ZNF430: variants seen among roughly 807,000 people sequenced by gnomAD.
ZNF430 encodes the protein zinc finger protein 430.
In ZNF430, 35 loss-of-function variants were observed where a neutral mutation model predicts 56.7. The ratio of observed to expected loss-of-function variants is 0.62; its 90% CI spans 0.47 to 0.82. ZNF430 has a LOEUF of 0.82. Among genes scored for constraint, ZNF430 ranks in the 40% least tolerant of loss-of-function variants. The probability of loss-of-function intolerance (pLI) is 0.00; values close to 1 mark genes in which losing one functional copy is unlikely to be tolerated. For synonymous variants in ZNF430, 212 were observed against 224.3 expected (o/e 0.94, Z 0.49); for missense variants, 574 against 661.0 (o/e 0.87, Z 1.44).
intron 4 of ZNF430, among the ~76,000 whole-genome samples, chr19:21,044,761 T>C (rs777313412): frequency 6.6e-6 from 1 of 152,198 alleles, no homozygotes; most frequent in African/African-American, 2.4e-5. Context: ...ATTCCAGAAC[T>C]TCTTATTGGT....
At chr19:21,020,888 C>T (rs539703233) in intron 1 of ZNF430, 85 bp downstream of exon 1, 3 of 1,578,562 alleles carry the variant, frequency 1.9e-6, no homozygotes, top group Non-Finnish European at 2.6e-6. Flanking sequence ...ACTCAGGCCT[C>T]CCGGCAGTCA....
intron 4 of ZNF430, chr19:21,035,241 T>C (rs927283923): frequency 1.3e-5 from 2 of 152,218 alleles, no homozygotes; most frequent in African/African-American, 2.4e-5. Flanking sequence ...TTTCTTTTAT[T>C]AATAACATAT....
intron 1 of ZNF430, among the ~76,000 whole-genome samples, chr19:21,021,200 C>T (rs1967675193): frequency 6.6e-6 from 1 of 152,018 alleles, no homozygotes; most frequent in Non-Finnish European, 1.5e-5. Context: ...CCTCTTTTCT[C>T]CTATTAAAAA....
At position 21,057,129 on chromosome 19, in the gene ZNF430, C is replaced by T; in HGVS notation, c.821C>T (p.Ser274Leu). ...TGTGGCAAAGCTTTTAAGCAGTCCTCAACCCTTACTACACATAAGATAATT... is the reference window on the plus strand; with the variant it reads ...TGTGGCAAAGCTTTTAAGCAGTCCTTAACCCTTACTACACATAAGATAATT... ...EQCGKAFKQS[S>L]TLTTHKIIHT... Residue 274 changes from serine to leucine, a missense_variant, in exon 5 of 5, where the codon TCA becomes TTA. By Grantham distance (145) the Ser-to-Leu change is moderately radical. Transcript: ENST00000261560. The T allele has an allele frequency of 6.2e-7, 1 of 1,614,080 alleles. No individual in the cohort carries two copies.
At chr19:21,036,763 A>G (rs1249449780) in intron 4 of ZNF430, 3 of 149,694 alleles carry the variant, frequency 2.0e-5, no homozygotes, top group South Asian at 2.2e-4. Flanking sequence ...TAATTGTACC[A>G]CTGCACTCCA....
At chr19:21,022,918 C>A in intron 2 of ZNF430, 37 bp downstream of exon 2, 1 of 1,443,112 alleles carries the variant, frequency 6.9e-7, no homozygotes, top group Non-Finnish European at 9.8e-7. Flanking sequence ...CTTCACCCAA[C>A]CCAGCTTTCA....
At chr19:21,042,435 A>G (rs1307867406) in intron 4 of ZNF430, among the ~76,000 whole-genome samples, 1 of 152,108 alleles carries the variant, frequency 6.6e-6, no homozygotes, top group Non-Finnish European at 1.5e-5. Context: ...CGACAGTGTA[A>G]AAGTATTTCT....
intron 3 of ZNF430, 42 bp from the exon 4 acceptor site, chr19:21,034,044 G>A (rs1237867575): frequency 6.6e-7 from 1 of 1,518,968 alleles, no homozygotes; most frequent in Admixed American, 1.7e-5. Context: ...GTTGGTAACT[G>A]AAGAATATGA....
At position 21,040,810 on chromosome 19, in the gene ZNF430, A is replaced by G. The variant is rs145995763; in HGVS notation, c.322+6626A>G. On this transcript the variant is annotated intron_variant, in intron 4 of 4. Coordinates refer to ENST00000261560, the MANE Select transcript of ZNF430 (RefSeq NM_025189.4). ...CTTTGCCAAAATATGCTTTATATAT[A>G]TTGGAGTCCTGATGTTATATATACA... 3.8e-3 allele frequency among the ~76,000 whole-genome samples: 572 copies of G among 152,200 alleles called. 1 individual carries two copies. The highest frequency in any genetic ancestry group is 4.2e-3 in the Non-Finnish European group (286 of 68,000).
intron 1 of ZNF430, 109 bp from the exon 2 acceptor site, chr19:21,022,680 T>C (rs1967717391): frequency 1.2e-6 from 1 of 841,222 alleles, no homozygotes; most frequent in African/African-American, 1.7e-5. Context: ...TCAGTTTTTT[T>C]CTGGTCCTGG....
At chr19:21,054,669 C>CTTTTTTTTTTTTTTTTTTTTTTT (rs55772412) in intron 4 of ZNF430, among the ~76,000 whole-genome samples, 9 of 65,594 alleles carry the variant, frequency 1.4e-4, no homozygotes, top group African/African-American at 5.1e-4. Context: ...ATTTTTACGT[C>CTTTTTTTTTTTTTTTTTTTTTTT]TTTTTTTTTT....
In ZNF430 at chr19:21,059,668, TAC is replaced by T. The variant is rs1968437151; in HGVS notation, c.*1649_*1650del. On this transcript the variant is annotated 3_prime_UTR_variant, in exon 5 of 5. Coordinates refer to ENST00000261560, the MANE Select transcript of ZNF430 (RefSeq NM_025189.4). Reference sequence around the variant, plus strand: ...AGTATACTTTATTTCTTGAAAAAATTACAGATTTTTTGTAAATAATGATGTAA... The same window carrying T: ...AGTATACTTTATTTCTTGAAAAAATTAGATTTTTTGTAAATAATGATGTAA... 2 of 152,150 alleles carry T rather than the reference TAC, an allele frequency of 1.3e-5. No individual in the cohort carries two copies. The highest frequency in any genetic ancestry group is 6.5e-5 in the Admixed American group (1 of 15,274). 9.4% of individuals were successfully genotyped at this position (152,150 alleles called of 1,614,324 possible).
intron 4 of ZNF430, among the ~76,000 whole-genome samples, chr19:21,045,874 T>A (rs1182593001): frequency 6.6e-6 from 1 of 152,214 alleles, no homozygotes. Flanking sequence ...TCTTCTTTTA[T>A]TTGCTTGGTG....
chr19:21,050,747 G>T (rs1445089525), intron 4 of ZNF430, among the ~76,000 whole-genome samples: 1 of 151,978 alleles, frequency 6.6e-6, no homozygotes, highest in Non-Finnish European at 1.5e-5. Flanking sequence ...TGCTGTTTAG[G>T]CCAGGTGCAG....
At chr19:21,050,798 T>C (rs1968270225) in intron 4 of ZNF430, among the ~76,000 whole-genome samples, 1 of 152,038 alleles carries the variant, frequency 6.6e-6, no homozygotes. Flanking sequence ...GAGGACAAGG[T>C]GGGAGGATTG....
At position 21,020,704 on chromosome 19, in the gene ZNF430, G is replaced by C; in HGVS notation, c.-97G>C. On this transcript the variant is annotated 5_prime_UTR_variant, in exon 1 of 5. Transcript: ENST00000261560. The stretch of plus-strand genomic sequence containing the variant: ...CCAGGTCTCGTCTTCAGCGCTCTGT[G>C]TCCTCTGCTCCTAGAGGTCCAGGCT... The C allele has an allele frequency of 6.4e-7, 1 of 1,551,740 alleles. No individual in the cohort carries two copies. The highest frequency in any genetic ancestry group is 8.9e-7 in the Non-Finnish European group (1 of 1,126,048).
At chr19:21,028,557 C>T (rs1967845175) in intron 2 of ZNF430, among the ~76,000 whole-genome samples, 1 of 152,206 alleles carries the variant, frequency 6.6e-6, no homozygotes, top group Non-Finnish European at 1.5e-5. Flanking sequence ...CTCTCACAAT[C>T]ACCTAGACGT....
chr19:21,021,121 T>C (rs1262721192), intron 1 of ZNF430, among the ~76,000 whole-genome samples: 1 of 152,160 alleles, frequency 6.6e-6, no homozygotes, highest in East Asian at 1.9e-4. Flanking sequence ...GGGAGAATCG[T>C]CACGGGAGAA....
At chr19:21,031,031 C>T (rs1032357432) in intron 2 of ZNF430, among the ~76,000 whole-genome samples, 14 of 152,004 alleles carry the variant, frequency 9.2e-5, no homozygotes, top group Admixed American at 5.9e-4. Context: ...TACAGGCACC[C>T]GCCACCATTC....
Sources: gnomAD v4.1 joint callset for allele counts (sites outside exome capture counted in the v4.1 genomes callset) on GRCh38, gnomAD v4.1.1 for gene constraint, MANE v1.5 for transcripts, NCBI Gene and HGNC (gene_info 2026-07-23, HGNC 2026-07-21) for gene names.